The following CYBRD1 variants were observed in gnomAD, a reference collection of about 807,000 sequenced individuals.
CYBRD1 encodes the protein cytochrome b reductase 1, also known as plasma membrane ascorbate-dependent reductase CYBRD1.
Under a neutral mutation model 21.9 loss-of-function variants are expected in CYBRD1, and 14 were observed. The ratio of observed to expected loss-of-function variants is 0.64; its 90% CI spans 0.42 to 1.00. The LOEUF is 1.00. Among genes scored for constraint, CYBRD1 ranks in the 50% least tolerant of loss-of-function variants. The pLI is 0.00. For synonymous variants in CYBRD1, 146 were observed against 136.5 expected, an observed-to-expected ratio of 1.07 and a Z score of -0.48; for missense variants, 328 against 352.5, an observed-to-expected ratio of 0.93 and a Z score of 0.56.
intron 1 of CYBRD1, chr2:171,541,068 T>A (rs549778028): frequency 5.8e-6 from 1 of 171,546 alleles, no homozygotes; most frequent in East Asian, 1.6e-4. Context: ...CCGGCCAAAC[T>A]GAGACATTTT....
intron 1 of CYBRD1, among the ~76,000 whole-genome samples, chr2:171,534,305 T>C (rs79130732): frequency 6.6e-6 from 1 of 152,232 alleles, no homozygotes; most frequent in African/African-American, 2.4e-5. Flanking sequence ...CCCCTTCTTG[T>C]GGGCTTAGGG....
intron 1 of CYBRD1, among the ~76,000 whole-genome samples, chr2:171,525,238 G>A (rs1003639096): frequency 1.3e-5 from 2 of 152,014 alleles, no homozygotes; most frequent in African/African-American, 4.8e-5. Context: ...GTACCCGGCC[G>A]ATCTTGTTTT....
At chr2:171,548,259 C>T (rs562681321) in intron 2 of CYBRD1, among the ~76,000 whole-genome samples, 1 of 152,262 alleles carries the variant, frequency 6.6e-6, no homozygotes, top group East Asian at 1.9e-4. Flanking sequence ...AAGACAGATT[C>T]TCAGCTTCCA....
intron 1 of CYBRD1, among the ~76,000 whole-genome samples, chr2:171,531,654 A>G (rs1697469721): frequency 6.6e-6 from 1 of 152,098 alleles, no homozygotes; most frequent in Non-Finnish European, 1.5e-5. Flanking sequence ...TTAGAAATGT[A>G]GGTTATATTG....
intron 1 of CYBRD1, among the ~76,000 whole-genome samples, chr2:171,536,966 A>G (rs1697554942): frequency 6.6e-6 from 1 of 152,238 alleles, no homozygotes; most frequent in Non-Finnish European, 1.5e-5. Context: ...GATAACAAAA[A>G]AACAACAATA....
At chr2:171,524,205 CGGCATCAGGGT>C (rs1697353013) in intron 1 of CYBRD1, among the ~76,000 whole-genome samples, 1 of 151,934 alleles carries the variant, frequency 6.6e-6, no homozygotes, top group South Asian at 2.1e-4. Context: ...GGTGTGAGAT[CGGCATCAGGGT>C]GTGAGCACCA....
At chr2:171,546,096 A>G (rs769481536) in intron 2 of CYBRD1, among the ~76,000 whole-genome samples, 59 of 152,136 alleles carry the variant, frequency 3.9e-4, no homozygotes, top group Non-Finnish European at 8.8e-5. Context: ...TCACAACTTC[A>G]TGGCTTTGCT....
chr2:171,525,947 TAAAAAAAAAAAAAAAA>T (rs58388653), intron 1 of CYBRD1, among the ~76,000 whole-genome samples: 2 of 61,954 alleles, frequency 3.2e-5, no homozygotes, highest in Admixed American at 4.4e-4. Flanking sequence ...AACTCCCGTC[TAAAAAAAAAAAAAAAA>T]AAAAAAAAAG....
chr2:171,535,759 C>T (rs1421525751), intron 1 of CYBRD1, among the ~76,000 whole-genome samples: 1 of 152,062 alleles, frequency 6.6e-6, no homozygotes, highest in Non-Finnish European at 1.5e-5. Context: ...CTGCCTCAGC[C>T]TGCTGAGTAG....
At chr2:171,540,332 A>G (rs188164848) in intron 1 of CYBRD1, among the ~76,000 whole-genome samples, 2 of 152,322 alleles carry the variant, frequency 1.3e-5, no homozygotes. Context: ...TACTGGGTCT[A>G]GTTCTAGTTG....
chr2:171,534,514 C>T (rs1440372505), intron 1 of CYBRD1, among the ~76,000 whole-genome samples: 2 of 152,294 alleles, frequency 1.3e-5, no homozygotes, highest in Non-Finnish European at 2.9e-5. Flanking sequence ...GTTACTTATA[C>T]ATTTTAAAAA....
chr2:171,533,430 A>C (rs1191648593), intron 1 of CYBRD1, among the ~76,000 whole-genome samples: 1 of 152,238 alleles, frequency 6.6e-6, no homozygotes, highest in East Asian at 1.9e-4. Flanking sequence ...TATGCTAAAT[A>C]CTGGGATGTG....
At chr2:171,530,152 G>T (rs1697442518) in intron 1 of CYBRD1, among the ~76,000 whole-genome samples, 1 of 152,194 alleles carries the variant, frequency 6.6e-6, no homozygotes, top group Non-Finnish European at 1.5e-5. Context: ...GCCGAAGAGG[G>T]TATGGCATGG....
intron 1 of CYBRD1, among the ~76,000 whole-genome samples, chr2:171,530,329 G>A (rs963343946): frequency 6.6e-6 from 1 of 152,190 alleles, no homozygotes; most frequent in Non-Finnish European, 1.5e-5. Flanking sequence ...ACTGCACTCT[G>A]GGAAGCCCAA....
At chr2:171,552,362 T>G (rs942574507) in intron 2 of CYBRD1, among the ~76,000 whole-genome samples, 1 of 152,202 alleles carries the variant, frequency 6.6e-6, no homozygotes, top group African/African-American at 2.4e-5. Flanking sequence ...TTATTACTAC[T>G]TGGTATTACA....
intron 2 of CYBRD1, among the ~76,000 whole-genome samples, chr2:171,552,313 G>A (rs1683389824): frequency 6.8e-6 from 1 of 147,096 alleles, no homozygotes; most frequent in South Asian, 2.1e-4. Flanking sequence ...GTCTGTTAAA[G>A]TGACAAATCA....
chr2:171,523,073 A>G lies in CYBRD1; in HGVS notation c.193+335A>G, dbSNP rs932602711. Reference sequence around the variant, plus strand: ...CTAGGACGCACTGGAGGGGCCTCCAAGACCCAGAAACTTGAGCCCGGGCGC... The same window carrying G: ...CTAGGACGCACTGGAGGGGCCTCCAGGACCCAGAAACTTGAGCCCGGGCGC... On this transcript the variant is annotated intron_variant, in intron 1 of 3. Transcript: ENST00000321348. 8 of 362,248 alleles carry G rather than the reference A, an allele frequency of 2.2e-5. 1 individual carries two copies. The highest frequency in any genetic ancestry group is 4.6e-5 in the Admixed American group (1 of 21,806). The allele number at this position is 362,248 out of a possible 1,614,324, so 22.4% of individuals were successfully genotyped here.
At chr2:171,553,284 T>C in intron 2 of CYBRD1, 62 bp from the exon 3 acceptor site, 1 of 1,554,984 alleles carries the variant, frequency 6.4e-7, no homozygotes, top group Non-Finnish European at 8.8e-7. Context: ...GCTTTTTAAA[T>C]AATTTAAAAT....
rs192602409 is a variant in CYBRD1 at position 171,525,988 on chromosome 2, C to T, written c.193+3250C>T. 3.3e-3 allele frequency among the ~76,000 whole-genome samples: 483 copies of T among 147,734 alleles called. 2 individuals carry two copies. The highest frequency in any genetic ancestry group is 0.01 in the African/African-American group (410 of 40,256). ...AAAAAAAAAAGAAGTAGGCTCTGGC[C>T]GGGCACGGTGGCTTACGCCTATAAT... On this transcript the variant is annotated intron_variant, in intron 1 of 3. Coordinates refer to ENST00000321348, the MANE Select transcript of CYBRD1 (RefSeq NM_024843.4).
Sources: gnomAD v4.1 joint callset for allele counts (sites outside exome capture counted in the v4.1 genomes callset) on GRCh38, gnomAD v4.1.1 for gene constraint, MANE v1.5 for transcripts, NCBI Gene and HGNC (gene_info 2026-07-23, HGNC 2026-07-21) for gene names.